The following TENT2 variants were observed in gnomAD, a reference collection of about 807,000 sequenced individuals.
The protein encoded by TENT2 is poly(A) RNA polymerase GLD2.
Under a neutral mutation model 72.2 loss-of-function variants are expected in TENT2, and 44 were observed. The ratio of observed to expected loss-of-function variants is 0.61; its 90% CI spans 0.48 to 0.78. The LOEUF (loss-of-function observed/expected upper bound fraction) is 0.78. Ranked by LOEUF, TENT2 falls within the 30% of genes least tolerant of loss-of-function variation. TENT2 has a pLI of 0.00. For missense variants in TENT2, 541 were observed against 569.6 expected, an observed-to-expected ratio of 0.95 and a Z score of 0.51; for synonymous variants, 212 against 192.5, an observed-to-expected ratio of 1.10 and a Z score of -0.84.
chr5:79,625,589 A>G (rs192865998), intron 4 of TENT2, among the ~76,000 whole-genome samples: 1 of 152,062 alleles, frequency 6.6e-6, no homozygotes. Context: ...TTTAATTCTT[A>G]TATTTAGGAC....
Position 79,645,134 on chromosome 5 carries a change from G to C in TENT2, c.763G>C (p.Glu255Gln). Residue 255 changes from glutamate (E) to glutamine (Q), a missense_variant, in exon 8 of 15, where the codon GAG (glutamate) becomes CAG (glutamine). By Grantham distance (29) the Glu-to-Gln change is conservative (BLOSUM62 2). Coordinates refer to ENST00000453514, the MANE Select transcript of TENT2 (RefSeq NM_001114394.3). The part of the protein sequence containing the change: ...HFCTRLSGYI[E>Q]RPQLIRAKVP... ...CTTTTGTCTTTCAGCGGGCTACATT[G>C]AGAGACCTCAGCTGATTCGAGCAAA... 6.2e-7 allele frequency: 1 copy of C among 1,604,482 alleles called. No homozygotes were observed. The highest frequency in any genetic ancestry group is 8.5e-7 in the Non-Finnish European group (1 of 1,175,774).
chr5:79,621,870 A>G (rs1025376385), intron 3 of TENT2, among the ~76,000 whole-genome samples: 5 of 152,232 alleles, frequency 3.3e-5, no homozygotes, highest in Admixed American at 6.5e-5. Flanking sequence ...TAGCTCTAAA[A>G]TACTTTTATG....
chr5:79,622,108 CT>C (rs914244743), intron 3 of TENT2, among the ~76,000 whole-genome samples: 1 of 152,112 alleles, frequency 6.6e-6, no homozygotes, highest in Non-Finnish European at 1.5e-5. Context: ...CGAGACCAGC[CT>C]GGCCAACATG....
At chr5:79,631,309 A>C (rs1246084853) in intron 4 of TENT2, among the ~76,000 whole-genome samples, 1 of 152,204 alleles carries the variant, frequency 6.6e-6, no homozygotes, top group Non-Finnish European at 1.5e-5. Flanking sequence ...TGGTGGCCTC[A>C]TTTGCTGAGA....
chr5:79,626,555 CCTT>C (rs1202676140), intron 4 of TENT2, among the ~76,000 whole-genome samples: 1 of 151,942 alleles, frequency 6.6e-6, no homozygotes, highest in African/African-American at 2.4e-5. Context: ...GATCCACCCT[CCTT>C]GGCCTCCCAA....
intron 11 of TENT2, among the ~76,000 whole-genome samples, chr5:79,659,747 A>G (rs1801284113): frequency 6.6e-6 from 1 of 151,510 alleles, no homozygotes; most frequent in South Asian, 2.1e-4. Context: ...GATTGATACA[A>G]GTGGTACTAA....
chr5:79,641,115 T>C lies in TENT2; in HGVS notation c.591T>C (p.Leu197=), dbSNP rs142919591. 8,523 of 1,572,482 alleles carry C rather than the reference T, an allele frequency of 5.4e-3. 64 individuals are homozygous for C. The highest frequency in any genetic ancestry group is 5.0e-3 in the Non-Finnish European group (5,845 of 1,168,454). Residue 197 remains leucine (L), a synonymous_variant, in exon 6 of 15, where the codon CTT becomes CTC. Coordinates refer to ENST00000453514, the MANE Select transcript of TENT2 (RefSeq NM_001114394.3). ...CTTCTGTTTCTTTAGAAAGCAGACT[T>C]TTTTTGGTTGGGTCCTCTTTAAATG... ...EIQLLFPQSR[L]FLVGSSLNGF...
In TENT2 at chr5:79,612,922, G is replaced by A. The variant is rs924650671; in HGVS notation, c.-191G>A. The A allele has an allele frequency of 6.6e-6, 1 of 152,112 alleles. No individual in the cohort carries two copies. Among genetic ancestry groups the A allele is most frequent in the Non-Finnish European group, 1.5e-5 (1 of 68,064 alleles). The allele number at this position is 152,112 out of a possible 1,614,324, so 9.4% of individuals were successfully genotyped here. ...ATTCCAAATTTATGGGCGGCATCTG[G>A]GCTGCTGTACATTTTGAAGAATCTT... On this transcript the variant is annotated 5_prime_UTR_variant, in exon 1 of 15. An upstream open reading frame in the 5' UTR gains an earlier in-frame stop. Transcript: ENST00000453514.
At chr5:79,642,407 C>G (rs189969612) in intron 6 of TENT2, among the ~76,000 whole-genome samples, 1 of 152,106 alleles carries the variant, frequency 6.6e-6, no homozygotes, top group African/African-American at 2.4e-5. Flanking sequence ...TAGTGTTATT[C>G]ACATATCTAA....
rs766915994 is a variant in TENT2 at position 79,669,043 on chromosome 5, A to T, written c.1208+15A>T. On this transcript the variant is annotated intron_variant, in intron 12 of 14. Transcript: ENST00000453514. ...ACAGAATTTGAGTAAGTAAAACTTT[A>T]AATTGTGTTTGTTCACTTATATGTG... 8.1e-6 allele frequency: 13 copies of T among 1,612,210 alleles called. No homozygotes were observed. In the South Asian group the frequency reaches 1.4e-4, roughly 18 times the overall value.
chr5:79,613,037 A>ACC lies in TENT2; in HGVS notation c.-74_-73dup, dbSNP rs1253736450. Reference sequence around the variant, plus strand: ...ACCAAAAGAGGAAGATAGTCTTGGGACCCTTGCATGGTGTTTCAAAGGGTG... The same window carrying ACC: ...ACCAAAAGAGGAAGATAGTCTTGGGACCCCCTTGCATGGTGTTTCAAAGGGTG... On this transcript the variant is annotated 5_prime_UTR_variant, in exon 1 of 15. Coordinates refer to ENST00000453514, the MANE Select transcript of TENT2 (RefSeq NM_001114394.3). The ACC allele has an allele frequency of 6.6e-6, 1 of 152,128 alleles. No homozygotes were observed. The highest frequency in any genetic ancestry group is 1.5e-5 in the Non-Finnish European group (1 of 68,038). 9.4% of individuals were successfully genotyped at this position (152,128 alleles called of 1,614,324 possible).
At chr5:79,636,751 A>G (rs952665334) in intron 4 of TENT2, among the ~76,000 whole-genome samples, 11 of 152,154 alleles carry the variant, frequency 7.2e-5, no homozygotes, top group Admixed American at 6.5e-4. Flanking sequence ...CCCTTTATTT[A>G]GGTCTTTAGG....
chr5:79,621,524 C>T (rs910108614), intron 3 of TENT2, among the ~76,000 whole-genome samples: 14 of 151,176 alleles, frequency 9.3e-5, no homozygotes, highest in South Asian at 2.1e-4. Flanking sequence ...TTTGGGAGGC[C>T]GAGGCAGGCA....
In TENT2 at chr5:79,668,604, AAGGTT is replaced by A; in HGVS notation, c.1072-287_1072-283del. On this transcript the variant is annotated intron_variant, in intron 11 of 14. Transcript: ENST00000453514. ...TTGGGTAGATCTTGGTTTGTATAGT[AAGGTT>A]TTATTTATGAGTTAGAAAATCTTCT... is the stretch of plus-strand genomic sequence containing the variant. 12 of 270,880 alleles carry A rather than the reference AAGGTT, an allele frequency of 4.4e-5. No homozygotes were observed. The East Asian group carries it at 5.1e-4, about 11-fold the overall frequency. 16.8% of individuals were successfully genotyped at this position (270,880 alleles called of 1,614,324 possible).
chr5:79,687,365 A>G lies in TENT2; in HGVS notation c.*2092A>G, dbSNP rs1826361468. ...TGTGTTGATCTGTCCATTTCTGTAT[A>G]TAGTTGTCCCTCAGTATATTGAGGG... On this transcript the variant is annotated 3_prime_UTR_variant, in exon 15 of 15. Coordinates refer to ENST00000453514, the MANE Select transcript of TENT2 (RefSeq NM_001114394.3). Among the ~76,000 whole-genome samples the G allele has an allele frequency of 6.6e-6, 1 of 151,944 alleles. No individual in the cohort carries two copies. The highest frequency in any genetic ancestry group is 6.6e-5 in the Admixed American group (1 of 15,254).
chr5:79,685,252 A>G lies in TENT2; in HGVS notation c.1434A>G (p.Arg478=). 1 of 1,602,288 alleles carries G rather than the reference A, an allele frequency of 6.2e-7. No individual in the cohort carries two copies. The highest frequency in any genetic ancestry group is 1.3e-5 in the African/African-American group (1 of 74,398). Reference sequence around the variant, plus strand: ...ATTTGAACAGTATACTACCTGTAAGAGCTGCTGTCCTGAAAAGATAACTGG... The same window carrying G: ...ATTTGAACAGTATACTACCTGTAAGGGCTGCTGTCCTGAAAAGATAACTGG... The part of the protein sequence containing the change: ...KRDLNSILPV[R]AAVLKR The change falls in exon 15 of 15, where the codon AGA becomes AGG. Residue 478 remains arginine, a synonymous_variant. Transcript: ENST00000453514.
intron 4 of TENT2, among the ~76,000 whole-genome samples, chr5:79,626,002 T>A (rs999097223): frequency 1.3e-5 from 2 of 151,988 alleles, no homozygotes; most frequent in Non-Finnish European, 2.9e-5. Context: ...CTAATTTTTG[T>A]ATTTTTAATA....
intron 13 of TENT2, among the ~76,000 whole-genome samples, chr5:79,680,829 T>A (rs1821118757): frequency 6.6e-6 from 1 of 152,162 alleles, no homozygotes; most frequent in Non-Finnish European, 1.5e-5. Context: ...TAATTTCTAG[T>A]AATGTTTACC....
At chr5:79,621,204 C>G (rs972206218) in intron 3 of TENT2, among the ~76,000 whole-genome samples, 1 of 151,994 alleles carries the variant, frequency 6.6e-6, no homozygotes, top group Non-Finnish European at 1.5e-5. Context: ...TCACGTAACA[C>G]TGAGGTAGAT....
Sources: gnomAD v4.1 joint callset for allele counts (sites outside exome capture counted in the v4.1 genomes callset) on GRCh38, gnomAD v4.1.1 for gene constraint, MANE v1.5 for transcripts, NCBI Gene and HGNC (gene_info 2026-07-23, HGNC 2026-07-21) for gene names.